Variants in GABBR2 observed in about 807,000 individuals in gnomAD.
GABBR2 encodes gamma-aminobutyric acid type B receptor subunit 2, also known as G-protein coupled receptor 51.
A neutral mutation model predicts 105.6 loss-of-function variants in GABBR2; 23 were observed. The ratio of observed to expected loss-of-function variants is 0.22; its 90% CI spans 0.16 to 0.31. The LOEUF (loss-of-function observed/expected upper bound fraction) is 0.31. GABBR2 is among the 10% of genes least tolerant of loss of function. The pLI is 1.00. For synonymous variants in GABBR2, 478 were observed against 499.7 expected, an observed-to-expected ratio of 0.96 and a Z score of 0.58; for missense variants, 734 against 1,245.5, an observed-to-expected ratio of 0.59 and a Z score of 6.18.
At chr9:98,621,800 T>G (rs931641393) in intron 1 of GABBR2, among the ~76,000 whole-genome samples, 2 of 152,194 alleles carry the variant, frequency 1.3e-5, no homozygotes, top group African/African-American at 4.8e-5. Context: ...AATGCTTCCC[T>G]GTAATAATGT....
chr9:98,355,077 G>T (rs956392584), intron 13 of GABBR2, among the ~76,000 whole-genome samples: 10 of 152,080 alleles, frequency 6.6e-5, no homozygotes, highest in Non-Finnish European at 1.5e-4. Flanking sequence ...AGAGAATAGG[G>T]CAAGGAGAGG....
chr9:98,613,817 T>G (rs1829542434), intron 1 of GABBR2, among the ~76,000 whole-genome samples: 1 of 152,096 alleles, frequency 6.6e-6, no homozygotes, highest in Non-Finnish European at 1.5e-5. Context: ...GAGAATGAAC[T>G]CAGCCAGAAG....
In GABBR2 at chr9:98,577,819, C is replaced by T. The variant is rs1828941624; in HGVS notation, c.459+116G>A. ...GCTGTGCTATCACCCAGGAGAAAGT[C>T]CAGGAGGCCTGACCCAGGCAACATA... On this transcript the variant is annotated intron_variant, in intron 2 of 18. Coordinates refer to ENST00000259455, the MANE Select transcript of GABBR2 (RefSeq NM_005458.8). 6.0e-6 allele frequency: 6 copies of T among 998,230 alleles called. No homozygotes were observed. The East Asian group carries it at 1.5e-4, about 25-fold the overall frequency. 61.8% of individuals were successfully genotyped at this position (998,230 alleles called of 1,614,324 possible). A position where few individuals can be genotyped will look rare whatever the true frequency, so the allele number is the denominator to read the frequency against.
chr9:98,573,216 T>C (rs1381761055), intron 2 of GABBR2, among the ~76,000 whole-genome samples: 1 of 152,208 alleles, frequency 6.6e-6, no homozygotes, highest in Non-Finnish European at 1.5e-5. Flanking sequence ...GGGGAAGGGC[T>C]GCCCCCAAGA....
chr9:98,682,825 TAAAC>T (rs1484586084), intron 1 of GABBR2, among the ~76,000 whole-genome samples: 2 of 152,270 alleles, frequency 1.3e-5, no homozygotes, highest in Admixed American at 6.5e-5. Context: ...ACCTTTCTGA[TAAAC>T]AAAGAAATGC....
intron 3 of GABBR2, among the ~76,000 whole-genome samples, chr9:98,499,403 A>C (rs1329449538): frequency 6.6e-6 from 1 of 152,192 alleles, no homozygotes; most frequent in African/African-American, 2.4e-5. Flanking sequence ...ATTCTGCCAG[A>C]TGTGGACAGT....
At chr9:98,330,592 G>T (rs1444627336) in intron 13 of GABBR2, among the ~76,000 whole-genome samples, 1 of 152,176 alleles carries the variant, frequency 6.6e-6, no homozygotes, top group Non-Finnish European at 1.5e-5. Context: ...CTAAAGCTGT[G>T]AAGCCACAGA....
At chr9:98,320,914 C>T (rs1476245886) in intron 13 of GABBR2, among the ~76,000 whole-genome samples, 1 of 151,400 alleles carries the variant, frequency 6.6e-6, no homozygotes, top group East Asian at 1.9e-4. Context: ...ACCAGCATGG[C>T]ACATGTATAC....
At chr9:98,523,625 G>A (rs1827907226) in intron 3 of GABBR2, among the ~76,000 whole-genome samples, 1 of 152,198 alleles carries the variant, frequency 6.6e-6, no homozygotes, top group Non-Finnish European at 1.5e-5. Context: ...TCTACAGGAG[G>A]GGCTTGAGGA....
At chr9:98,593,503 G>C (rs1829176395) in intron 1 of GABBR2, among the ~76,000 whole-genome samples, 1 of 152,154 alleles carries the variant, frequency 6.6e-6, no homozygotes, top group Non-Finnish European at 1.5e-5. Flanking sequence ...GGGAGTCCTA[G>C]TTTCCTTCAG....
chr9:98,311,068 C>T (rs371295819), intron 14 of GABBR2, 27 bp downstream of exon 14: 3 of 1,289,274 alleles, frequency 2.3e-6, no homozygotes, highest in African/African-American at 1.5e-5. Context: ...TGTCCCCCCT[C>T]AACACTGTCT....
At chr9:98,374,395 G>A (rs1831836375) in intron 11 of GABBR2, among the ~76,000 whole-genome samples, 1 of 152,194 alleles carries the variant, frequency 6.6e-6, no homozygotes, top group Non-Finnish European at 1.5e-5. Context: ...AACATAGCAG[G>A]CCTGAGACTG....
intron 13 of GABBR2, among the ~76,000 whole-genome samples, chr9:98,327,285 GCCTCCAGTCTC>G (rs1830940355): frequency 6.6e-6 from 1 of 152,056 alleles, no homozygotes; most frequent in African/African-American, 2.4e-5. Flanking sequence ...TCAAACCTCT[GCCTCCAGTCTC>G]CCTTTATCCT....
chr9:98,529,371 T>C (rs1006817755), intron 3 of GABBR2, among the ~76,000 whole-genome samples: 2 of 152,140 alleles, frequency 1.3e-5, no homozygotes, highest in Non-Finnish European at 2.9e-5. Context: ...GGTGACGGAG[T>C]CACGGAGAAC....
intron 1 of GABBR2, among the ~76,000 whole-genome samples, chr9:98,704,718 C>T (rs1588290416): frequency 6.6e-6 from 1 of 151,896 alleles, no homozygotes; most frequent in South Asian, 2.1e-4. Flanking sequence ...TTATGCTTCT[C>T]TGTAATTTTC....
intron 8 of GABBR2, among the ~76,000 whole-genome samples, chr9:98,396,339 C>A (rs1383872927): frequency 1.3e-5 from 2 of 152,248 alleles, no homozygotes; most frequent in Non-Finnish European, 2.9e-5. Context: ...GAAGTGCCTC[C>A]TGGGGCTCTA....
chr9:98,452,921 G>T (rs1826257124), intron 7 of GABBR2, among the ~76,000 whole-genome samples: 1 of 152,206 alleles, frequency 6.6e-6, no homozygotes, highest in Non-Finnish European at 1.5e-5. Context: ...TGTAAATGAA[G>T]GCCCAGGATT....
chr9:98,297,639 AATAAAGATTTTTCATT>A (rs140492390), intron 17 of GABBR2, among the ~76,000 whole-genome samples: 32,400 of 151,818 alleles, frequency 0.21, 3,569 homozygotes, highest in African/African-American at 0.25. Context: ...AAATAAATAA[AATAAAGATTTTTCATT>A]GATTTAAAAT....
At chr9:98,440,766 G>A (rs1826017905) in intron 7 of GABBR2, among the ~76,000 whole-genome samples, 2 of 152,194 alleles carry the variant, frequency 1.3e-5, no homozygotes, top group Non-Finnish European at 2.9e-5. Context: ...GTGTGTGTGA[G>A]TAACCTCTGC....
Sources: gnomAD v4.1 joint callset for allele counts (sites outside exome capture counted in the v4.1 genomes callset) on GRCh38, gnomAD v4.1.1 for gene constraint, MANE v1.5 for transcripts, NCBI Gene and HGNC (gene_info 2026-07-23, HGNC 2026-07-21) for gene names.